GRIA1: variants seen among roughly 807,000 people sequenced by gnomAD.
GRIA1 encodes glutamate receptor 1.
In GRIA1, 31 loss-of-function variants were observed where a neutral mutation model predicts 99.2. That is an observed-to-expected ratio of 0.31 (90% CI 0.23 to 0.42). The LOEUF is 0.42. Ranked by LOEUF, GRIA1 falls within the 10% of genes least tolerant of loss-of-function variation. The pLI is 1.00. For synonymous variants in GRIA1, 438 were observed against 432.4 expected (o/e 1.01, Z -0.16); for missense variants, 782 against 1,157.5 (o/e 0.68, Z 4.71).
intron 2 of GRIA1, among the ~76,000 whole-genome samples, chr5:153,639,136 C>G (rs571482832): frequency 6.6e-6 from 1 of 152,330 alleles, no homozygotes; most frequent in African/African-American, 2.4e-5. Context: ...TACTGAGTCA[C>G]AACAACCTTC....
intron 5 of GRIA1, among the ~76,000 whole-genome samples, chr5:153,671,298 T>C: frequency 6.6e-6 from 1 of 152,198 alleles, no homozygotes; most frequent in Non-Finnish European, 1.5e-5. Flanking sequence ...TGTTACAGAT[T>C]TTCAAGAGAC....
At chr5:153,593,428 A>G (rs1240835714) in intron 2 of GRIA1, among the ~76,000 whole-genome samples, 1 of 152,158 alleles carries the variant, frequency 6.6e-6, no homozygotes, top group Non-Finnish European at 1.5e-5. Flanking sequence ...TTTAGATATT[A>G]GTTTTTGACT....
chr5:153,767,583 G>C (rs1011693419), intron 12 of GRIA1, among the ~76,000 whole-genome samples: 5 of 152,140 alleles, frequency 3.3e-5, no homozygotes, highest in Non-Finnish European at 5.9e-5. Context: ...TATCCCACCA[G>C]GAGTTTGGTG....
At chr5:153,797,819 C>G (rs148781985) in intron 14 of GRIA1, among the ~76,000 whole-genome samples, 3 of 152,324 alleles carry the variant, frequency 2.0e-5, no homozygotes, top group Middle Eastern at 3.4e-3. Flanking sequence ...AACAATGGGC[C>G]AGTTCTCATC....
chr5:153,493,432 G>A (rs2113184662), intron 1 of GRIA1, among the ~76,000 whole-genome samples: 1 of 152,332 alleles, frequency 6.6e-6, no homozygotes, highest in East Asian at 1.9e-4. Context: ...AACAGTTATA[G>A]TAGTGGAGAA....
At chr5:153,768,182 A>G (rs1467605275) in intron 12 of GRIA1, among the ~76,000 whole-genome samples, 2 of 152,144 alleles carry the variant, frequency 1.3e-5, no homozygotes, top group African/African-American at 4.8e-5. Context: ...ACATTGGCAG[A>G]CCTTATGATT....
At chr5:153,580,017 G>A (rs1237019733) in intron 2 of GRIA1, among the ~76,000 whole-genome samples, 1 of 152,166 alleles carries the variant, frequency 6.6e-6, no homozygotes, top group Non-Finnish European at 1.5e-5. Context: ...CACATACAGG[G>A]AAACAGAGGA....
At chr5:153,593,964 CTTAAACTTCA>C (rs1295450044) in intron 2 of GRIA1, among the ~76,000 whole-genome samples, 5 of 152,198 alleles carry the variant, frequency 3.3e-5, no homozygotes, top group Admixed American at 1.3e-4. Context: ...TTATTCCACT[CTTAAACTTCA>C]TTGATTGGAG....
Position 153,490,912 on chromosome 5 carries a change from C to T in GRIA1, c.24C>T (p.Phe8=), listed in dbSNP as rs1753852387. Residue 8 remains phenylalanine, a synonymous_variant, in exon 1 of 16, where the codon TTC becomes TTT. Coordinates refer to ENST00000285900, the MANE Select transcript of GRIA1 (RefSeq NM_000827.4). The part of the protein sequence containing the change: MQHIFAF[F]CTGFLGAVVG... ...ATATGCAGCACATTTTTGCCTTCTT[C>T]TGCACCGGTTTCCTAGGCGCGGTAG... 1 of 1,614,160 alleles carries T rather than the reference C, an allele frequency of 6.2e-7. No homozygotes were observed. Among genetic ancestry groups the T allele is most frequent in the East Asian group, 2.2e-5 (1 of 44,884 alleles).
chr5:153,557,346 C>T (rs1001281056), intron 2 of GRIA1, among the ~76,000 whole-genome samples: 2 of 152,168 alleles, frequency 1.3e-5, no homozygotes, highest in African/African-American at 4.8e-5. Context: ...CTCACTGCAA[C>T]CTCCACCTCC....
chr5:153,504,892 T>A (rs1168622918), intron 2 of GRIA1, among the ~76,000 whole-genome samples: 8 of 152,158 alleles, frequency 5.3e-5, no homozygotes, highest in Admixed American at 5.2e-4. Context: ...ACACTCAAGC[T>A]ATTGTGCACA....
At chr5:153,537,653 G>A (rs1758706082) in intron 2 of GRIA1, among the ~76,000 whole-genome samples, 1 of 152,198 alleles carries the variant, frequency 6.6e-6, no homozygotes. Context: ...TAGTGTGAGG[G>A]CCTTGGTGTC....
chr5:153,676,249 A>C (rs1054094950), intron 6 of GRIA1, among the ~76,000 whole-genome samples: 1 of 152,188 alleles, frequency 6.6e-6, no homozygotes, highest in African/African-American at 2.4e-5. Flanking sequence ...TCTATTGTGA[A>C]CTTGGAGTGT....
Position 153,770,242 on chromosome 5 carries a change from C to T in GRIA1, c.2097C>T (p.Thr699=). Reference sequence around the variant, plus strand: ...CAGAGCCATCAGTTTTTGTGCGGACCACAGAGGAGGGGATGATTCGAGTGA... The same window carrying T: ...CAGAGCCATCAGTTTTTGTGCGGACTACAGAGGAGGGGATGATTCGAGTGA... ...KSAEPSVFVR[T]TEEGMIRVRK... is the part of the protein sequence containing the mutation. Residue 699 remains threonine (T), a synonymous_variant, in exon 13 of 16, where the codon ACC becomes ACT. Transcript: ENST00000285900. The T allele has an allele frequency of 1.9e-6, 3 of 1,613,896 alleles. No homozygotes were observed. The highest frequency in any genetic ancestry group is 2.2e-5 in the South Asian group (2 of 91,076).
intron 2 of GRIA1, among the ~76,000 whole-genome samples, chr5:153,535,343 A>G (rs750948896): frequency 6.6e-6 from 1 of 152,178 alleles, no homozygotes; most frequent in Non-Finnish European, 1.5e-5. Flanking sequence ...ATCCACCACC[A>G]TTGTTTATCC....
intron 11 of GRIA1, among the ~76,000 whole-genome samples, chr5:153,752,480 A>G (rs1263885321): frequency 1.3e-5 from 2 of 152,230 alleles, no homozygotes. Context: ...ATGATGGCTT[A>G]ACAGAGTGTT....
chr5:153,502,928 T>G (rs1308387889), intron 2 of GRIA1, among the ~76,000 whole-genome samples: 2 of 152,232 alleles, frequency 1.3e-5, no homozygotes, highest in African/African-American at 4.8e-5. Context: ...GGATACATTT[T>G]CCATCCTTTT....
chr5:153,539,189 T>G (rs1581197236), intron 2 of GRIA1, among the ~76,000 whole-genome samples: 2 of 152,330 alleles, frequency 1.3e-5, no homozygotes, highest in African/African-American at 4.8e-5. Context: ...TTAAAGTTAT[T>G]TAAAAAGGAA....
At chr5:153,507,356 A>T (rs1755628035) in intron 2 of GRIA1, among the ~76,000 whole-genome samples, 1 of 151,782 alleles carries the variant, frequency 6.6e-6, no homozygotes, top group Non-Finnish European at 1.5e-5. Context: ...TGTTCTCCTC[A>T]ACACCACCAC....
Sources: allele counts gnomAD v4.1 joint callset (sites outside exome capture counted in the v4.1 genomes callset), GRCh38; gene constraint gnomAD v4.1.1; transcripts MANE v1.5; gene names NCBI Gene and HGNC (gene_info 2026-07-23, HGNC 2026-07-21).